Variants in SLC16A10 observed in about 807,000 individuals in gnomAD.
The protein encoded by SLC16A10 is solute carrier family 16 member 10, also known as monocarboxylate transporter 10.
SLC16A10 carries 27 observed loss-of-function variants against 40.0 expected under a neutral mutation model. The observed-to-expected ratio is 0.67, with a 90% CI of 0.50 to 0.93. SLC16A10 has a LOEUF of 0.93. SLC16A10 is among the 40% of genes least tolerant of loss of function. SLC16A10 has a pLI of 0.00. For synonymous variants in SLC16A10, 213 were observed against 249.8 expected (o/e 0.85, Z 1.39); for missense variants, 529 against 658.2 (o/e 0.80, Z 2.15).
intron 1 of SLC16A10, among the ~76,000 whole-genome samples, chr6:111,088,847 A>G (rs1039439849): frequency 3.9e-5 from 6 of 152,150 alleles, no homozygotes; most frequent in African/African-American, 1.2e-4. Context: ...CATTATTATG[A>G]CTTTTTGGCT....
chr6:111,142,326 A>C (rs1202638425), intron 1 of SLC16A10, among the ~76,000 whole-genome samples: 3 of 152,222 alleles, frequency 2.0e-5, no homozygotes, highest in Non-Finnish European at 4.4e-5. Context: ...TAAAAAAATG[A>C]ATCTAGACAC....
chr6:111,107,591 C>T (rs1229631618), intron 1 of SLC16A10, among the ~76,000 whole-genome samples: 1 of 152,120 alleles, frequency 6.6e-6, no homozygotes, highest in African/African-American at 2.4e-5. Context: ...GGGAACTTTA[C>T]ATGAAATTTT....
chr6:111,088,123 C>G, intron 1 of SLC16A10, 28 bp downstream of exon 1: 1 of 1,583,282 alleles, frequency 6.3e-7, no homozygotes, highest in Non-Finnish European at 8.6e-7. Context: ...CCGAGGCCAG[C>G]CTGGGCGACC....
intron 1 of SLC16A10, among the ~76,000 whole-genome samples, chr6:111,150,059 A>G (rs1205062879): frequency 2.6e-5 from 4 of 152,214 alleles, no homozygotes; most frequent in African/African-American, 9.6e-5. Context: ...TTTGTCTCCC[A>G]AAGTTCATTT....
chr6:111,194,428 A>T (rs1773045970), intron 3 of SLC16A10, among the ~76,000 whole-genome samples: 1 of 152,206 alleles, frequency 6.6e-6, no homozygotes, highest in African/African-American at 2.4e-5. Flanking sequence ...ACTTAAAGGT[A>T]TGGAAATGGA....
chr6:111,168,123 G>A (rs914645726), intron 1 of SLC16A10, among the ~76,000 whole-genome samples: 3 of 152,000 alleles, frequency 2.0e-5, no homozygotes, highest in African/African-American at 7.2e-5. Context: ...GGGATTACAG[G>A]CACCCGCCAC....
intron 3 of SLC16A10, among the ~76,000 whole-genome samples, chr6:111,189,766 G>C (rs1220740240): frequency 6.6e-6 from 1 of 152,090 alleles, no homozygotes; most frequent in African/African-American, 2.4e-5. Context: ...CACGAGAATA[G>C]CACAAGAAAA....
rs187079430 is a variant in SLC16A10, at chr6:111,227,953, T to C, written c.*5718T>C. The C allele has an allele frequency of 6.6e-6, 1 of 152,178 alleles. No individual in the cohort carries two copies. The highest frequency in any genetic ancestry group is 1.5e-5 in the Non-Finnish European group (1 of 68,006). 9.4% of individuals were successfully genotyped at this position (152,178 alleles called of 1,614,324 possible). ...GATTAAAAAGCAAGGGGGGTGCAAA[T>C]TGTTAGTGGGGTCAAAATATCAGTA... On this transcript the variant is annotated 3_prime_UTR_variant, in exon 6 of 6. Transcript: ENST00000368851.
At chr6:111,161,221 T>TG (rs1772364152) in intron 1 of SLC16A10, among the ~76,000 whole-genome samples, 1 of 4,164 alleles carries the variant, frequency 2.4e-4, no homozygotes, top group African/African-American at 6.2e-4. Flanking sequence ...AGACAGTGTC[T>TG]CAAAAAAAAA....
In SLC16A10 at chr6:111,206,739, C is replaced by G. The variant is rs1395192005; in HGVS notation, c.1086+4C>G. Reference sequence around the variant, plus strand: ...TGTGAAGAAGGTTTATCTACAGGTACTTTTTTACACCTTTTTTCCCCTATC... The same window carrying G: ...TGTGAAGAAGGTTTATCTACAGGTAGTTTTTTACACCTTTTTTCCCCTATC... On this transcript the variant is annotated splice_donor_region_variant and intron_variant, in intron 4 of 5. Coordinates refer to ENST00000368851, the MANE Select transcript of SLC16A10 (RefSeq NM_018593.5). The G allele has an allele frequency of 6.2e-7, 1 of 1,611,386 alleles. No homozygotes were observed.
At chr6:111,180,094 C>T (rs1772761802) in intron 3 of SLC16A10, among the ~76,000 whole-genome samples, 1 of 152,214 alleles carries the variant, frequency 6.6e-6, no homozygotes, top group Non-Finnish European at 1.5e-5. Flanking sequence ...AAAATTTGCT[C>T]TGAAGGAGCA....
intron 3 of SLC16A10, among the ~76,000 whole-genome samples, chr6:111,195,217 G>C (rs1369347195): frequency 1.3e-5 from 2 of 152,230 alleles, no homozygotes; most frequent in East Asian, 3.9e-4. Context: ...TTAATGCCTG[G>C]GATACGTGCT....
At chr6:111,207,077 C>T (rs1289018935) in intron 4 of SLC16A10, among the ~76,000 whole-genome samples, 9 of 152,090 alleles carry the variant, frequency 5.9e-5, no homozygotes, top group African/African-American at 1.4e-4. Context: ...GTGATCTGCC[C>T]GCCTCGGCCT....
chr6:111,123,153 C>G (rs553278173), intron 1 of SLC16A10, among the ~76,000 whole-genome samples: 145 of 152,318 alleles, frequency 9.5e-4, no homozygotes, highest in Non-Finnish European at 1.6e-3. Flanking sequence ...TCCCACCTGT[C>G]TTCATCCTGT....
At chr6:111,206,073 T>C (rs1158717938) in intron 3 of SLC16A10, among the ~76,000 whole-genome samples, 1 of 151,924 alleles carries the variant, frequency 6.6e-6, no homozygotes, top group Non-Finnish European at 1.5e-5. Flanking sequence ...AAAACTCTTA[T>C]AAACATGCTT....
At chr6:111,136,940 A>G (rs1241658009) in intron 1 of SLC16A10, among the ~76,000 whole-genome samples, 1 of 152,226 alleles carries the variant, frequency 6.6e-6, no homozygotes, top group Non-Finnish European at 1.5e-5. Context: ...ATGGAGAGAA[A>G]GGGAATTCCT....
intron 1 of SLC16A10, among the ~76,000 whole-genome samples, chr6:111,169,186 A>T (rs776106427): frequency 2.6e-4 from 39 of 152,214 alleles, no homozygotes; most frequent in Non-Finnish European, 4.9e-4. Context: ...GGCAAAGGAA[A>T]TGTATTTCCT....
chr6:111,134,938 G>A (rs1275487608), intron 1 of SLC16A10, among the ~76,000 whole-genome samples: 2 of 152,128 alleles, frequency 1.3e-5, no homozygotes, highest in Admixed American at 1.3e-4. Context: ...CACTGGTGTG[G>A]CCTTCTCAGT....
intron 1 of SLC16A10, among the ~76,000 whole-genome samples, chr6:111,123,229 A>T (rs1305885578): frequency 6.6e-6 from 1 of 151,298 alleles, no homozygotes; most frequent in Non-Finnish European, 1.5e-5. Flanking sequence ...TCTCTAACCC[A>T]CTCTTCCCTT....
Sources: gnomAD v4.1 joint callset for allele counts (sites outside exome capture counted in the v4.1 genomes callset) on GRCh38, gnomAD v4.1.1 for gene constraint, MANE v1.5 for transcripts, NCBI Gene and HGNC (gene_info 2026-07-23, HGNC 2026-07-21) for gene names.